KCNH5: variants seen among roughly 807,000 people sequenced by gnomAD.
KCNH5 encodes potassium voltage-gated channel subfamily H member 5.
KCNH5 carries 46 observed loss-of-function variants against 96.1 expected under a neutral mutation model. That is an observed-to-expected ratio of 0.48 (90% CI 0.38 to 0.61). KCNH5 has a LOEUF of 0.61. Among genes scored for constraint, KCNH5 ranks in the 20% least tolerant of loss-of-function variants. The pLI is 0.00. For synonymous variants in KCNH5, 439 were observed against 449.8 expected (o/e 0.98, Z 0.30); for missense variants, 907 against 1,225.8 (o/e 0.74, Z 3.88).
At chr14:63,003,442 TATATATA>T (rs1891048864) in intron 3 of KCNH5, among the ~76,000 whole-genome samples, 2 of 136,230 alleles carry the variant, frequency 1.5e-5, no homozygotes, top group South Asian at 4.4e-4. Flanking sequence ...AAGAGCCATA[TATATATA>T]TTATATATAT....
chr14:63,035,140 T>G (rs1307248229), intron 1 of KCNH5, among the ~76,000 whole-genome samples: 1 of 152,212 alleles, frequency 6.6e-6, no homozygotes, highest in African/African-American at 2.4e-5. Context: ...TCAGTCAAGA[T>G]GTATTTATAA....
chr14:63,009,813 A>G (rs892536062), intron 2 of KCNH5, among the ~76,000 whole-genome samples: 1 of 152,180 alleles, frequency 6.6e-6, no homozygotes, highest in Non-Finnish European at 1.5e-5. Context: ...GTTTTATCAC[A>G]GGTTCCTGAA....
At position 62,718,569 on chromosome 14, in the gene KCNH5, G is replaced by A. The variant is rs151220359; in HGVS notation, c.2020-10114C>T. ...AAAAACACAGAAAATAACAAGTGTC[G>A]GAAGGATGTGGAGAAACTGGAACCC... On this transcript the variant is annotated intron_variant, in intron 10 of 10. Coordinates refer to ENST00000322893, the MANE Select transcript of KCNH5 (RefSeq NM_139318.5). 3.7e-3 allele frequency among the ~76,000 whole-genome samples: 558 copies of A among 152,168 alleles called. 3 individuals carry two copies. The highest frequency in any genetic ancestry group is 0.014 in the Middle Eastern group (4 of 294).
rs191558582 is a variant in KCNH5, at chr14:62,765,722, C to T, written c.2019+14006G>A. ...AAAGTGGGCAAAGAAAATTTAAGAC[C>T]TCAAACTATGAAAATACTACAAGAA... is the stretch of plus-strand genomic sequence containing the variant. On this transcript the variant is annotated intron_variant, in intron 10 of 10. Transcript: ENST00000322893. Among the ~76,000 whole-genome samples the T allele has an allele frequency of 1.5e-4, 23 of 152,130 alleles. No individual in the cohort carries two copies. The East Asian group carries it at 3.9e-3, about 26-fold the overall frequency.
intron 10 of KCNH5, among the ~76,000 whole-genome samples, chr14:62,758,264 A>C (rs1205305138): frequency 1.3e-5 from 2 of 152,102 alleles, no homozygotes; most frequent in African/African-American, 4.8e-5. Flanking sequence ...GTATGATTGG[A>C]TTGCTTATAA....
intron 7 of KCNH5, among the ~76,000 whole-genome samples, chr14:62,932,616 G>C (rs988218743): frequency 6.6e-6 from 1 of 151,950 alleles, no homozygotes; most frequent in African/African-American, 2.4e-5. Context: ...GTGAAAAATA[G>C]GCATTTCCAA....
Position 62,927,704 on chromosome 14 carries a change from G to A in KCNH5, c.1369+22429C>T, listed in dbSNP as rs528803001. Reference sequence around the variant, plus strand: ...CTCAAATTCATAGAGACAGAAAGTCGGATGGTGGTCTCCAGGGGCTGAAGA... The same window carrying A: ...CTCAAATTCATAGAGACAGAAAGTCAGATGGTGGTCTCCAGGGGCTGAAGA... On this transcript the variant is annotated intron_variant, in intron 7 of 10. Coordinates refer to ENST00000322893, the MANE Select transcript of KCNH5 (RefSeq NM_139318.5). Among the ~76,000 whole-genome samples, 11 of 152,128 alleles carry A rather than the reference G, an allele frequency of 7.2e-5. No individual in the cohort carries two copies. In the South Asian group the frequency reaches 1.0e-3, roughly 14 times the overall value.
chr14:62,919,956 T>C (rs1889349506), intron 7 of KCNH5, among the ~76,000 whole-genome samples: 1 of 152,172 alleles, frequency 6.6e-6, no homozygotes, highest in South Asian at 2.1e-4. Flanking sequence ...GGTTGTCCAA[T>C]TCTGGCAAGG....
chr14:62,982,692 C>T (rs1263178474), intron 5 of KCNH5, among the ~76,000 whole-genome samples: 1 of 152,174 alleles, frequency 6.6e-6, no homozygotes, highest in Non-Finnish European at 1.5e-5. Context: ...CTCTCATATA[C>T]AGAACTTACA....
At chr14:62,975,305 G>A (rs1890479713) in intron 6 of KCNH5, among the ~76,000 whole-genome samples, 1 of 152,132 alleles carries the variant, frequency 6.6e-6, no homozygotes, top group Non-Finnish European at 1.5e-5. Context: ...GATGCAGGCA[G>A]GCTTCCTGAA....
intron 10 of KCNH5, among the ~76,000 whole-genome samples, chr14:62,762,178 C>A (rs1196813331): frequency 6.6e-6 from 1 of 152,052 alleles, no homozygotes; most frequent in Non-Finnish European, 1.5e-5. Context: ...GCTGGGGACA[C>A]CCGTTCCCCA....
At chr14:62,918,391 G>A (rs17823807) in intron 7 of KCNH5, among the ~76,000 whole-genome samples, 18,265 of 151,912 alleles carry the variant, frequency 0.12, 1,277 homozygotes, top group East Asian at 0.28. Context: ...AAATTTCTAC[G>A]TGGCAAATAA....
At chr14:62,995,934 G>C (rs1890898594) in intron 4 of KCNH5, among the ~76,000 whole-genome samples, 1 of 151,952 alleles carries the variant, frequency 6.6e-6, no homozygotes, top group Non-Finnish European at 1.5e-5. Context: ...AAGACAAGGA[G>C]GATAAAATAT....
At chr14:62,947,059 T>A (rs112421951) in intron 7 of KCNH5, among the ~76,000 whole-genome samples, 14,740 of 152,144 alleles carry the variant, frequency 0.097, 1,658 homozygotes, top group African/African-American at 0.27. Context: ...CATTATATCA[T>A]TGTCAATTTT....
chr14:62,721,841 G>C (rs1884824504), intron 10 of KCNH5, among the ~76,000 whole-genome samples: 1 of 152,114 alleles, frequency 6.6e-6, no homozygotes, highest in Non-Finnish European at 1.5e-5. Context: ...ATCACAGGTA[G>C]AAAATATACC....
chr14:62,852,416 C>T (rs1887825034), intron 7 of KCNH5, among the ~76,000 whole-genome samples: 1 of 152,164 alleles, frequency 6.6e-6, no homozygotes, highest in East Asian at 1.9e-4. Flanking sequence ...TGTATGTTTA[C>T]ATTTTTGTAA....
chr14:62,802,980 A>G (rs1886695791), intron 8 of KCNH5, among the ~76,000 whole-genome samples: 1 of 152,104 alleles, frequency 6.6e-6, no homozygotes, highest in Non-Finnish European at 1.5e-5. Flanking sequence ...TGTCTCTACT[A>G]AAAAGACAAA....
At chr14:63,031,407 ATTC>A (rs1891623519) in intron 1 of KCNH5, among the ~76,000 whole-genome samples, 1 of 152,174 alleles carries the variant, frequency 6.6e-6, no homozygotes, top group African/African-American at 2.4e-5. Flanking sequence ...GGAAGGTTAT[ATTC>A]AGTCAATAAA....
At chr14:62,823,352 T>C (rs900111963) in intron 8 of KCNH5, among the ~76,000 whole-genome samples, 8 of 152,128 alleles carry the variant, frequency 5.3e-5, no homozygotes, top group Non-Finnish European at 1.5e-5. Flanking sequence ...TCAGAGTAAT[T>C]GAATCAGAAA....
Sources: allele counts gnomAD v4.1 joint callset (sites outside exome capture counted in the v4.1 genomes callset), GRCh38; gene constraint gnomAD v4.1.1; transcripts MANE v1.5; gene names NCBI Gene and HGNC (gene_info 2026-07-23, HGNC 2026-07-21).